NKD1: variants seen among roughly 807,000 people sequenced by gnomAD.
NKD1 encodes the protein NKD inhibitor of Wnt signaling pathway 1, also known as protein naked cuticle homolog 1.
Under a neutral mutation model 56.0 loss-of-function variants are expected in NKD1, and 21 were observed. That is an observed-to-expected ratio of 0.38 (90% CI 0.27 to 0.54). The LOEUF (loss-of-function observed/expected upper bound fraction) is 0.54, where lower values mean the gene tolerates loss of function less well. Ranked by LOEUF, NKD1 falls within the 20% of genes least tolerant of loss-of-function variation. The probability of loss-of-function intolerance (pLI) is 0.82; values close to 1 mark genes in which losing one functional copy is unlikely to be tolerated. For missense variants in NKD1, 578 were observed against 642.7 expected (o/e 0.90, Z 1.09); for synonymous variants, 263 against 265.7 (o/e 0.99, Z 0.10).
At chr16:50,591,931 C>A (rs532275185) in intron 3 of NKD1, among the ~76,000 whole-genome samples, 7 of 152,166 alleles carry the variant, frequency 4.6e-5, no homozygotes, top group African/African-American at 7.2e-5. Flanking sequence ...GCTGTGTGGG[C>A]GGGGGCCAAG....
At chr16:50,551,037 T>G (rs1326980771) in intron 3 of NKD1, among the ~76,000 whole-genome samples, 1 of 152,242 alleles carries the variant, frequency 6.6e-6, no homozygotes, top group African/African-American at 2.4e-5. Flanking sequence ...GAGGGCTTAC[T>G]TCAATTGACT....
chr16:50,557,840 G>C (rs574199548), intron 3 of NKD1: 1 of 152,244 alleles, frequency 6.6e-6, no homozygotes, highest in Non-Finnish European at 1.5e-5. Flanking sequence ...AGGTTGGGGA[G>C]GGTTTTTTTG....
intron 3 of NKD1, among the ~76,000 whole-genome samples, chr16:50,597,570 A>C (rs1016799641): frequency 6.6e-6 from 1 of 152,240 alleles, no homozygotes; most frequent in African/African-American, 2.4e-5. Context: ...TCTGAAGTGG[A>C]GCGTGGCCTT....
rs1286724437 is a variant in NKD1, at chr16:50,639,025, G to A, written c.*5244G>A. ...TTGGCAATGGGTCGGGGAGGCAGAG[G>A]GGATGCTCACACCAGTAATTCTCAT... On this transcript the variant is annotated 3_prime_UTR_variant, in exon 10 of 10. Coordinates refer to ENST00000268459, the MANE Select transcript of NKD1 (RefSeq NM_033119.5). 1 of 152,258 alleles carries A rather than the reference G, an allele frequency of 6.6e-6. No individual in the cohort carries two copies. Among genetic ancestry groups the A allele is most frequent in the Non-Finnish European group, 1.5e-5 (1 of 68,116 alleles). 9.4% of individuals were successfully genotyped at this position (152,258 alleles called of 1,614,324 possible).
chr16:50,602,336 C>G (rs114410436), intron 3 of NKD1, among the ~76,000 whole-genome samples: 1,750 of 152,288 alleles, frequency 0.011, 42 homozygotes, highest in African/African-American at 0.039. Flanking sequence ...AAGGTCTGTG[C>G]TCCAGGGAAC....
At chr16:50,631,511 T>C (rs1412608467) in intron 8 of NKD1, among the ~76,000 whole-genome samples, 3 of 152,134 alleles carry the variant, frequency 2.0e-5, no homozygotes, top group Non-Finnish European at 4.4e-5. Context: ...TGATCGGAGC[T>C]GGATTAGTAC....
At chr16:50,599,627 T>C (rs1220893129) in intron 3 of NKD1, among the ~76,000 whole-genome samples, 1 of 152,216 alleles carries the variant, frequency 6.6e-6, no homozygotes, top group Non-Finnish European at 1.5e-5. Context: ...TCATCATCAC[T>C]GAGTCCTTTA....
intron 4 of NKD1, among the ~76,000 whole-genome samples, chr16:50,613,019 A>G (rs369670263): frequency 1.8e-4 from 27 of 152,162 alleles, no homozygotes; most frequent in African/African-American, 6.3e-4. Flanking sequence ...GGAGAGGTCC[A>G]TGGGGCTGGA....
rs139672613 is a variant in NKD1, at chr16:50,571,593, G to C, written c.192+22038G>C. The C allele has an allele frequency of 4.7e-5, 43 of 920,478 alleles. No homozygotes were observed. In the East Asian group the frequency reaches 4.7e-3, roughly 101 times the overall value. The allele number at this position is 920,478 out of a possible 1,614,324, so 57.0% of individuals were successfully genotyped here. On this transcript the variant is annotated intron_variant, in intron 3 of 9. Coordinates refer to ENST00000268459, the MANE Select transcript of NKD1 (RefSeq NM_033119.5). ...CATCTGTTGCTCAGAGAGGCATCCT[G>C]GGGGGTCATTCCTAACTCCTCCCCT... is the stretch of plus-strand genomic sequence containing the variant.
rs755500068 is a variant in NKD1 at position 50,636,114 on chromosome 16, T to G, written c.*2333T>G. ...TGGCTGGGCTTCGATCTGGTACCCA[T>G]AGCTGGACCAATCATGACATCCCAG... On this transcript the variant is annotated 3_prime_UTR_variant, in exon 10 of 10. Transcript: ENST00000268459. The G allele has an allele frequency of 2.0e-5, 3 of 152,274 alleles. No homozygotes were observed. The highest frequency in any genetic ancestry group is 4.4e-5 in the Non-Finnish European group (3 of 68,106). The allele number at this position is 152,274 out of a possible 1,614,324, so 9.4% of individuals were successfully genotyped here.
At chr16:50,601,578 T>C (rs1407300223) in intron 3 of NKD1, among the ~76,000 whole-genome samples, 3 of 152,126 alleles carry the variant, frequency 2.0e-5, no homozygotes, top group Non-Finnish European at 4.4e-5. Context: ...CCTCCTTGAG[T>C]GAGCTGTCTC....
rs1245747988 is a variant in NKD1 at position 50,634,973 on chromosome 16, T to C, written c.*1192T>C. 6.6e-6 allele frequency: 1 copy of C among 152,194 alleles called. No individual in the cohort carries two copies. Among genetic ancestry groups the C allele is most frequent in the African/African-American group, 2.4e-5 (1 of 41,450 alleles). 9.4% of individuals were successfully genotyped at this position (152,194 alleles called of 1,614,324 possible). On this transcript the variant is annotated 3_prime_UTR_variant, in exon 10 of 10. Transcript: ENST00000268459. ...ATCCTCTGCAGAGAAGGATTTTGTC[T>C]GGCCAGAGCCTGGAGAAACCTGAAA...
chr16:50,578,090 G>T lies in NKD1; in HGVS notation c.192+28535G>T, dbSNP rs1961028587. Among the ~76,000 whole-genome samples, 3 of 152,164 alleles carry T rather than the reference G, an allele frequency of 2.0e-5. No homozygotes were observed. In the South Asian group the frequency reaches 6.2e-4, roughly 31 times the overall value. ...TGGACCAGTCCAATACAGGTACCTT[G>T]GTTGGAAAATGAGTGACTTAGTGGT... On this transcript the variant is annotated intron_variant, in intron 3 of 9. Coordinates refer to ENST00000268459, the MANE Select transcript of NKD1 (RefSeq NM_033119.5).
chr16:50,557,279 T>TATCTATCCCACGTGCTGTGC (rs1253372381), intron 3 of NKD1: 4 of 152,240 alleles, frequency 2.6e-5, no homozygotes, highest in Non-Finnish European at 1.5e-5. Context: ...CTGGGGTGTT[T>TATCTATCCCACGTGCTGTGC]TTCATTCCAC....
Position 50,647,110 on chromosome 16 carries a change from A to G in NKD1, c.*13329A>G, listed in dbSNP as rs1962695355. On this transcript the variant is annotated 3_prime_UTR_variant, in exon 10 of 10. Coordinates refer to ENST00000268459, the MANE Select transcript of NKD1 (RefSeq NM_033119.5). ...CACTATATTACATATCTACAGTGGT[A>G]GAGTCATACTAGAAGACATGATGGG... is the stretch of plus-strand genomic sequence containing the variant. The G allele has an allele frequency of 6.6e-6, 1 of 152,246 alleles. No homozygotes were observed. Among genetic ancestry groups the G allele is most frequent in the Non-Finnish European group, 1.5e-5 (1 of 68,030 alleles). The allele number at this position is 152,246 out of a possible 1,614,324, so 9.4% of individuals were successfully genotyped here. A position where few individuals can be genotyped will look rare whatever the true frequency, so the allele number is the denominator to read the frequency against.
intron 4 of NKD1, among the ~76,000 whole-genome samples, chr16:50,613,080 C>A (rs1252246997): frequency 1.3e-5 from 2 of 152,004 alleles, no homozygotes; most frequent in Non-Finnish European, 2.9e-5. Flanking sequence ...ATCAGGGATG[C>A]ATCTTAGACT....
At chr16:50,619,837 T>A (rs1178316165) in intron 4 of NKD1, among the ~76,000 whole-genome samples, 1 of 152,164 alleles carries the variant, frequency 6.6e-6, no homozygotes, top group Non-Finnish European at 1.5e-5. Flanking sequence ...CACGTGGAGA[T>A]GACCACTGCC....
At chr16:50,555,822 G>T (rs1222901819) in intron 3 of NKD1, 1 of 152,294 alleles carries the variant, frequency 6.6e-6, no homozygotes, top group Non-Finnish European at 1.5e-5. Context: ...CACATCACTT[G>T]TTGGATTCCA....
At chr16:50,583,623 G>T (rs1961165692) in intron 3 of NKD1, among the ~76,000 whole-genome samples, 1 of 152,022 alleles carries the variant, frequency 6.6e-6, no homozygotes, top group Non-Finnish European at 1.5e-5. Context: ...TTCAGGAGCG[G>T]TTTTTTTTAC....
Sources: gnomAD v4.1 joint callset for allele counts (sites outside exome capture counted in the v4.1 genomes callset) on GRCh38, gnomAD v4.1.1 for gene constraint, MANE v1.5 for transcripts, NCBI Gene and HGNC (gene_info 2026-07-23, HGNC 2026-07-21) for gene names.